IPCEF1: variants seen among roughly 807,000 people sequenced by gnomAD.
IPCEF1 encodes interactor protein for cytohesin exchange factors 1.
IPCEF1 carries 31 observed loss-of-function variants against 50.9 expected under a neutral mutation model. The observed-to-expected ratio is 0.61, with a 90% CI of 0.46 to 0.82. IPCEF1 has a LOEUF of 0.82. IPCEF1 is among the 40% of genes least tolerant of loss of function. The probability of loss-of-function intolerance (pLI) is 0.00; values close to 1 mark genes in which losing one functional copy is unlikely to be tolerated. For missense variants in IPCEF1, 458 were observed against 514.0 expected, an observed-to-expected ratio of 0.89 and a Z score of 1.05; for synonymous variants, 181 against 192.0, an observed-to-expected ratio of 0.94 and a Z score of 0.47.
chr6:154,317,266 T>C (rs960546549), intron 1 of IPCEF1, among the ~76,000 whole-genome samples: 1 of 150,044 alleles, frequency 6.7e-6, no homozygotes, highest in African/African-American at 2.5e-5. Context: ...AATGAGCAAA[T>C]GGGCCAGGCA....
At chr6:154,331,909 G>A (rs1361268181) in intron 1 of IPCEF1, among the ~76,000 whole-genome samples, 1 of 152,152 alleles carries the variant, frequency 6.6e-6, no homozygotes, top group African/African-American at 2.4e-5. Context: ...CCAGTCAAAG[G>A]TCTGATAGGG....
At position 154,168,159 on chromosome 6, in the gene IPCEF1, A is replaced by C; in HGVS notation, c.911-46T>G. The C allele has an allele frequency of 7.0e-7, 1 of 1,430,968 alleles. No individual in the cohort carries two copies. Among genetic ancestry groups the C allele is most frequent in the Non-Finnish European group, 9.5e-7 (1 of 1,056,244 alleles). The allele number at this position is 1,430,968 out of a possible 1,614,324, so 88.6% of individuals were successfully genotyped here. The stretch of plus-strand genomic sequence containing the variant: ...AAGCAGTAACAATAAACCCAGTGAA[A>C]AATCAAGGAGAGAACATTCAATACT... On this transcript the variant is annotated intron_variant, in intron 10 of 11. Coordinates refer to ENST00000367220, the MANE Select transcript of IPCEF1 (RefSeq NM_001130700.2). This position sits in a 1 kb window ranked among gnomAD's most constrained non-coding sequence, Gnocchi z 4.1.
chr6:154,337,191 AG>A (rs1783805168), intron 1 of IPCEF1, among the ~76,000 whole-genome samples: 2 of 152,326 alleles, frequency 1.3e-5, no homozygotes, highest in African/African-American at 2.4e-5. Flanking sequence ...AAACAGCCAG[AG>A]CTCAGAAGTT....
intron 10 of IPCEF1, among the ~76,000 whole-genome samples, chr6:154,198,109 C>T (rs1040823): frequency 6.6e-6 from 1 of 151,990 alleles, no homozygotes; most frequent in Non-Finnish European, 1.5e-5. Flanking sequence ...GAGTAAAGAC[C>T]TCCAGTGATA....
At chr6:154,260,004 G>A (rs1241974227) in intron 3 of IPCEF1, among the ~76,000 whole-genome samples, 3 of 152,150 alleles carry the variant, frequency 2.0e-5, no homozygotes, top group Non-Finnish European at 4.4e-5. Context: ...TTCACACGAC[G>A]AGCACGGAGA....
intron 1 of IPCEF1, among the ~76,000 whole-genome samples, chr6:154,298,730 G>A (rs1025948939): frequency 2.0e-5 from 3 of 152,182 alleles, no homozygotes; most frequent in Admixed American, 6.5e-5. Context: ...TTGGGAGGCT[G>A]AGGCGGATGG....
At chr6:154,171,064 T>C (rs1264991746) in intron 10 of IPCEF1, among the ~76,000 whole-genome samples, 1 of 152,172 alleles carries the variant, frequency 6.6e-6, no homozygotes, top group African/African-American at 2.4e-5. Context: ...GAAAATAGTT[T>C]GTCCATTTCT....
intron 1 of IPCEF1, among the ~76,000 whole-genome samples, chr6:154,296,191 G>A (rs1782653365): frequency 6.6e-6 from 1 of 152,162 alleles, no homozygotes; most frequent in Non-Finnish European, 1.5e-5. Flanking sequence ...AGCCCTTTTG[G>A]GCAAGCAGAT....
intron 11 of IPCEF1, among the ~76,000 whole-genome samples, chr6:154,163,588 C>T (rs985723643): frequency 2.6e-5 from 4 of 152,112 alleles, no homozygotes; most frequent in African/African-American, 9.7e-5. Flanking sequence ...ATCTGACATG[C>T]CCAGTGCTAT....
At chr6:154,292,353 G>A (rs1334074075) in intron 1 of IPCEF1, among the ~76,000 whole-genome samples, 2 of 152,194 alleles carry the variant, frequency 1.3e-5, no homozygotes, top group African/African-American at 4.8e-5. Flanking sequence ...GTAACACTTA[G>A]TGATTGCCTC....
chr6:154,205,242 A>C (rs1386792813), intron 9 of IPCEF1, among the ~76,000 whole-genome samples: 1 of 152,156 alleles, frequency 6.6e-6, no homozygotes, highest in Non-Finnish European at 1.5e-5. Context: ...TGCTCAAGGG[A>C]GAAGACACCA....
chr6:154,291,448 T>C (rs1407839273), intron 1 of IPCEF1, among the ~76,000 whole-genome samples: 1 of 152,164 alleles, frequency 6.6e-6, no homozygotes, highest in Non-Finnish European at 1.5e-5. Flanking sequence ...TTTAAAACTA[T>C]AGAAAGCTTG....
At chr6:154,226,525 T>C (rs1377654995) in intron 5 of IPCEF1, among the ~76,000 whole-genome samples, 1 of 152,118 alleles carries the variant, frequency 6.6e-6, no homozygotes, top group Non-Finnish European at 1.5e-5. Context: ...AAACTCAAAG[T>C]TGTATAGTTG....
chr6:154,224,175 T>C (rs778879746), intron 5 of IPCEF1, among the ~76,000 whole-genome samples: 3 of 152,216 alleles, frequency 2.0e-5, no homozygotes, highest in Non-Finnish European at 2.9e-5. Context: ...TGAGTAAAAA[T>C]GGATTTTGAA....
At chr6:154,226,951 C>T (rs1296899300) in intron 5 of IPCEF1, among the ~76,000 whole-genome samples, 2 of 152,128 alleles carry the variant, frequency 1.3e-5, no homozygotes, top group Non-Finnish European at 2.9e-5. Context: ...AATCCCAGCA[C>T]TTTGGGAGGC....
chr6:154,323,035 C>T (rs1783428852), intron 1 of IPCEF1, among the ~76,000 whole-genome samples: 3 of 152,112 alleles, frequency 2.0e-5, no homozygotes, highest in South Asian at 2.1e-4. Flanking sequence ...TAATCTTTTT[C>T]GATGTGACAA....
chr6:154,309,082 G>A (rs1011489372), intron 1 of IPCEF1, among the ~76,000 whole-genome samples: 8 of 152,018 alleles, frequency 5.3e-5, no homozygotes, highest in Admixed American at 4.6e-4. Context: ...GTCAATATTT[G>A]CTAAAATAAG....
chr6:154,310,030 C>T (rs888158710), intron 1 of IPCEF1, among the ~76,000 whole-genome samples: 13 of 152,322 alleles, frequency 8.5e-5, no homozygotes, highest in Middle Eastern at 3.4e-3. Flanking sequence ...TCCCAAACTG[C>T]TAGGATCACA....
At chr6:154,195,814 C>T (rs1269410309) in intron 10 of IPCEF1, among the ~76,000 whole-genome samples, 3 of 137,356 alleles carry the variant, frequency 2.2e-5, no homozygotes, top group East Asian at 2.1e-4. Flanking sequence ...TTTTTTGAAA[C>T]GGAGTCTTGC....
Sources: gnomAD v4.1 joint callset for allele counts (sites outside exome capture counted in the v4.1 genomes callset) on GRCh38, gnomAD v4.1.1 for gene constraint, Gnocchi (gnomAD v3.1) non-coding constraint, MANE v1.5 for transcripts, NCBI Gene and HGNC (gene_info 2026-07-23, HGNC 2026-07-21) for gene names.